NCEH1: variants seen among roughly 807,000 people sequenced by gnomAD.
NCEH1 encodes the protein 2-acetyl MAGE hydrolase.
NCEH1 carries 9 observed loss-of-function variants against 25.4 expected under a neutral mutation model. The observed-to-expected ratio is 0.35, with a 90% CI of 0.21 to 0.62. The LOEUF (loss-of-function observed/expected upper bound fraction) is 0.62. NCEH1 is among the 20% of genes least tolerant of loss of function. NCEH1 has a pLI of 0.72. For synonymous variants in NCEH1, 200 were observed against 199.8 expected, an observed-to-expected ratio of 1.00 and a Z score of -0.01; for missense variants, 412 against 501.1, an observed-to-expected ratio of 0.82 and a Z score of 1.70.
chr3:172,683,669 C>T (rs1006600147), intron 1 of NCEH1, among the ~76,000 whole-genome samples: 16 of 152,212 alleles, frequency 1.1e-4, no homozygotes, highest in African/African-American at 3.9e-4. Context: ...CAGGGCGAGA[C>T]CCTGTCTCAA....
intron 1 of NCEH1, among the ~76,000 whole-genome samples, chr3:172,685,501 T>C (rs750784339): frequency 6.6e-6 from 1 of 152,250 alleles, no homozygotes; most frequent in Admixed American, 6.5e-5. Context: ...TCTTGGAAAC[T>C]GATGCCCAGA....
chr3:172,675,314 TAAA>T (rs1560196978), intron 1 of NCEH1, among the ~76,000 whole-genome samples: 56 of 148,550 alleles, frequency 3.8e-4, no homozygotes, highest in Middle Eastern at 3.4e-3. Context: ...AATAAATAAA[TAAA>T]TAAATAAATA....
chr3:172,634,272 C>T (rs1716507855), intron 4 of NCEH1, among the ~76,000 whole-genome samples, 180 bp from the exon 5 acceptor site: 1 of 152,138 alleles, frequency 6.6e-6, no homozygotes, highest in African/African-American at 2.4e-5. Context: ...TTACCATCAC[C>T]ACCCTATCAA....
chr3:172,709,092 C>G (rs1374135441), intron 1 of NCEH1, among the ~76,000 whole-genome samples: 1 of 152,236 alleles, frequency 6.6e-6, no homozygotes, highest in Admixed American at 6.5e-5. Flanking sequence ...GTTACACCCA[C>G]TATCATTCCC....
At chr3:172,706,699 C>T (rs1488913245) in intron 1 of NCEH1, among the ~76,000 whole-genome samples, 1 of 151,974 alleles carries the variant, frequency 6.6e-6, no homozygotes, top group African/African-American at 2.4e-5. Flanking sequence ...CGGGGTTTCA[C>T]CATGTTGGCC....
intron 1 of NCEH1, among the ~76,000 whole-genome samples, chr3:172,671,494 C>CACACAT (rs1553834561): frequency 3.7e-5 from 5 of 133,444 alleles, no homozygotes; most frequent in Non-Finnish European, 6.3e-5. Flanking sequence ...CGCTGCTACA[C>CACACAT]ACACATACAC....
At chr3:172,697,187 C>T (rs1713422178) in intron 1 of NCEH1, among the ~76,000 whole-genome samples, 1 of 151,968 alleles carries the variant, frequency 6.6e-6, no homozygotes, top group South Asian at 2.1e-4. Flanking sequence ...TCTTGGCCTC[C>T]CAAAGTGCTA....
At chr3:172,665,500 C>A (rs1385961685) in intron 1 of NCEH1, among the ~76,000 whole-genome samples, 2 of 152,198 alleles carry the variant, frequency 1.3e-5, no homozygotes, top group Non-Finnish European at 2.9e-5. Flanking sequence ...CTGGGACAAC[C>A]ACTACTCTCT....
In NCEH1 at chr3:172,650,888, G is replaced by A. The variant is rs181346749; in HGVS notation, c.139-2774C>T. ...AGACAGGAATATGAAAGGGTAGGTA[G>A]ATGAGTAGAAAAAGAATTTAGAGAA... On this transcript the variant is annotated intron_variant, in intron 1 of 4. Transcript: ENST00000475381. Among the ~76,000 whole-genome samples, 480 of 150,076 alleles carry A rather than the reference G, an allele frequency of 3.2e-3. 2 individuals carry two copies. The highest frequency in any genetic ancestry group is 0.011 in the African/African-American group (434 of 40,758).
At chr3:172,696,755 A>G (rs1229027191) in intron 1 of NCEH1, among the ~76,000 whole-genome samples, 1 of 152,210 alleles carries the variant, frequency 6.6e-6, no homozygotes, top group Non-Finnish European at 1.5e-5. Context: ...GTTTTGTGAA[A>G]TAAGAGATCT....
At chr3:172,650,315 C>A (rs565490617) in intron 1 of NCEH1, among the ~76,000 whole-genome samples, 1 of 151,958 alleles carries the variant, frequency 6.6e-6, no homozygotes, top group Admixed American at 6.5e-5. Flanking sequence ...CCAGCCTGGC[C>A]AACATGGTGA....
At chr3:172,688,826 A>T (rs544269582) in intron 1 of NCEH1, among the ~76,000 whole-genome samples, 1 of 152,292 alleles carries the variant, frequency 6.6e-6, no homozygotes, top group African/African-American at 2.4e-5. Context: ...CTGACAGGTT[A>T]AACTCTTGGT....
intron 1 of NCEH1, among the ~76,000 whole-genome samples, chr3:172,664,412 C>T (rs916982695): frequency 6.6e-6 from 1 of 152,150 alleles, no homozygotes; most frequent in Non-Finnish European, 1.5e-5. Flanking sequence ...TCATTTCAAC[C>T]TTGGTGAATC....
Position 172,648,120 on chromosome 3 carries a change from G to A in NCEH1, c.139-6C>T, listed in dbSNP as rs759358027. ...AGGTAGTGGATCAGGTTACTCTGCA[G>A]GGCGAGGGAGGAAATAAAGAGGGAG... On this transcript the variant is annotated splice_polypyrimidine_tract_variant and splice_region_variant and intron_variant, in intron 1 of 4. Coordinates refer to ENST00000475381, the MANE Select transcript of NCEH1 (RefSeq NM_020792.6). 1.6e-5 allele frequency: 26 copies of A among 1,613,668 alleles called. No homozygotes were observed. The East Asian group carries it at 5.8e-4, about 36-fold the overall frequency.
chr3:172,636,150 T>G (rs1433013896), intron 3 of NCEH1, 63 bp from the exon 4 acceptor site: 12 of 1,143,204 alleles, frequency 1.0e-5, no homozygotes, highest in Non-Finnish European at 1.4e-5. Flanking sequence ...ATTTAAAGTT[T>G]AGATGGAAAC....
At chr3:172,645,403 A>T (rs1717071926) in intron 3 of NCEH1, among the ~76,000 whole-genome samples, 1 of 152,238 alleles carries the variant, frequency 6.6e-6, no homozygotes, top group Non-Finnish European at 1.5e-5. Context: ...TTCAAAACTA[A>T]CGGTGAAAAG....
rs777998237 is a variant in NCEH1, at chr3:172,711,012, C to T, written c.-28G>A. On this transcript the variant is annotated 5_prime_UTR_variant, in exon 1 of 5. Coordinates refer to ENST00000475381, the MANE Select transcript of NCEH1 (RefSeq NM_020792.6). ...TGCCCTGGCTCGGCTCGCCAGCGGGCTGGCAAAGAGGAAAGGGCGATACCA... is the reference window on the plus strand; with the variant it reads ...TGCCCTGGCTCGGCTCGCCAGCGGGTTGGCAAAGAGGAAAGGGCGATACCA... The T allele has an allele frequency of 1.2e-6, 2 of 1,613,828 alleles. No homozygotes were observed. The highest frequency in any genetic ancestry group is 1.1e-5 in the South Asian group (1 of 91,080).
intron 1 of NCEH1, among the ~76,000 whole-genome samples, chr3:172,684,407 T>C (rs1284184951): frequency 6.6e-6 from 1 of 152,026 alleles, no homozygotes; most frequent in Non-Finnish European, 1.5e-5. Flanking sequence ...AAACCTAACC[T>C]AGAAAATGGC....
chr3:172,708,305 A>G (rs2108233700), intron 1 of NCEH1, among the ~76,000 whole-genome samples: 1 of 152,378 alleles, frequency 6.6e-6, no homozygotes, highest in Middle Eastern at 3.4e-3. Flanking sequence ...TGAGCCAATC[A>G]ACTCAAACTA....
Sources: gnomAD v4.1 joint callset for allele counts (sites outside exome capture counted in the v4.1 genomes callset) on GRCh38, gnomAD v4.1.1 for gene constraint, MANE v1.5 for transcripts, NCBI Gene and HGNC (gene_info 2026-07-23, HGNC 2026-07-21) for gene names.